Variants in BMP6 observed in about 807,000 individuals in gnomAD.
BMP6 encodes the protein VG-1-R.
A neutral mutation model predicts 54.1 loss-of-function variants in BMP6; 17 were observed. The observed-to-expected ratio is 0.31, with a 90% CI of 0.22 to 0.47. The LOEUF (loss-of-function observed/expected upper bound fraction) is 0.47. Among genes scored for constraint, BMP6 ranks in the 20% least tolerant of loss-of-function variants. The pLI, the probability that BMP6 is intolerant of heterozygous loss-of-function variation, is 1.00. For synonymous variants in BMP6, 328 were observed against 291.2 expected (o/e 1.13, Z -1.28); for missense variants, 720 against 690.4 (o/e 1.04, Z -0.48).
chr6:7,880,121 G>GT lies in BMP6; in HGVS notation c.1392+24dup. On this transcript the variant is annotated intron_variant, in intron 6 of 6. Coordinates refer to ENST00000283147, the MANE Select transcript of BMP6 (RefSeq NM_001718.6). ...ACCTTGGTGAGCTCTCGGAGACTTT[G>GT]TTTTGTAAGTGGGAGTAAGCCAAGA... is the stretch of plus-strand genomic sequence containing the variant. The GT allele has an allele frequency of 6.2e-7, 1 of 1,614,082 alleles. No homozygotes were observed. The highest frequency in any genetic ancestry group is 8.5e-7 in the Non-Finnish European group (1 of 1,179,954).
At chr6:7,833,144 C>T (rs1335666074) in intron 1 of BMP6, among the ~76,000 whole-genome samples, 1 of 152,078 alleles carries the variant, frequency 6.6e-6, no homozygotes, top group Non-Finnish European at 1.5e-5. Context: ...TGAGACACTT[C>T]TAGAATGATG....
chr6:7,794,993 GGGAAC>G (rs1758171969), intron 1 of BMP6, among the ~76,000 whole-genome samples: 1 of 152,080 alleles, frequency 6.6e-6, no homozygotes, highest in Admixed American at 6.6e-5. Flanking sequence ...TACTATCCAT[GGGAAC>G]ACAGGAGTCC....
At chr6:7,795,898 G>A (rs1758183882) in intron 1 of BMP6, among the ~76,000 whole-genome samples, 1 of 152,082 alleles carries the variant, frequency 6.6e-6, no homozygotes, top group African/African-American at 2.4e-5. Context: ...AGAGAGTGAG[G>A]AGCAAAAGTA....
At chr6:7,823,598 C>G (rs955260649) in intron 1 of BMP6, among the ~76,000 whole-genome samples, 2 of 152,168 alleles carry the variant, frequency 1.3e-5, no homozygotes, top group African/African-American at 4.8e-5. Flanking sequence ...TATGACCAGA[C>G]ACGCTGTGTT....
intron 2 of BMP6, among the ~76,000 whole-genome samples, chr6:7,859,085 G>C (rs142623513): frequency 6.6e-6 from 1 of 152,158 alleles, no homozygotes; most frequent in East Asian, 1.9e-4. Flanking sequence ...TTCATGTCAT[G>C]ATGGGTAATC....
intron 1 of BMP6, among the ~76,000 whole-genome samples, chr6:7,832,086 G>T (rs1758801953): frequency 6.6e-6 from 1 of 152,174 alleles, no homozygotes; most frequent in African/African-American, 2.4e-5. Flanking sequence ...GGGGTTTGAT[G>T]CTGAAGATCT....
At chr6:7,774,550 TCAAAA>T (rs908274951) in intron 1 of BMP6, among the ~76,000 whole-genome samples, 27 of 150,678 alleles carry the variant, frequency 1.8e-4, no homozygotes, top group African/African-American at 5.1e-4. Context: ...AGACTCTGTC[TCAAAA>T]CAAAACAAAA....
At chr6:7,796,779 G>A (rs1185699413) in intron 1 of BMP6, among the ~76,000 whole-genome samples, 2 of 152,150 alleles carry the variant, frequency 1.3e-5, no homozygotes, top group African/African-American at 4.8e-5. Context: ...AAATTAAAGT[G>A]ACTTTTTTTA....
rs994728381 is a variant in BMP6 at position 7,777,177 on chromosome 6, G to A, written c.664+49558G>A. Among the ~76,000 whole-genome samples, 6 of 152,302 alleles carry A rather than the reference G, an allele frequency of 3.9e-5. No homozygotes were observed. In the South Asian group the frequency reaches 1.2e-3, roughly 32 times the overall value. The stretch of plus-strand genomic sequence containing the variant: ...AGAAGGTCATCCTTGGAACTGGCAG[G>A]TGCCTTCTGGATCTGTGCATGTGGT... On this transcript the variant is annotated intron_variant, in intron 1 of 6. Transcript: ENST00000283147.
At chr6:7,749,285 C>T (rs778167218) in intron 1 of BMP6, among the ~76,000 whole-genome samples, 10 of 152,172 alleles carry the variant, frequency 6.6e-5, no homozygotes, top group Non-Finnish European at 1.2e-4. Context: ...TATTGAGACT[C>T]TTATAAATGA....
chr6:7,759,196 A>G (rs270403), intron 1 of BMP6, among the ~76,000 whole-genome samples: 94,352 of 152,068 alleles, frequency 0.62, 30,267 homozygotes, highest in Non-Finnish European at 0.72. Context: ...TCATTACCAT[A>G]TATGTATGTA....
chr6:7,856,636 G>T (rs551521086), intron 2 of BMP6, among the ~76,000 whole-genome samples: 2 of 97,088 alleles, frequency 2.1e-5, no homozygotes, highest in Non-Finnish European at 3.8e-5. Flanking sequence ...TCGCTCTGTC[G>T]CCCAGGCTGG....
chr6:7,869,845 G>A (rs934904624), intron 4 of BMP6, among the ~76,000 whole-genome samples: 2 of 152,148 alleles, frequency 1.3e-5, no homozygotes, highest in East Asian at 1.9e-4. Flanking sequence ...TGTGTGGAAC[G>A]TGCACCTGCA....
rs1345918011 is a variant in BMP6 at position 7,813,124 on chromosome 6, T to A, written c.665-32016T>A. ...AAAAAAAAAAATATATATATATATA[T>A]ATATATATATATATATATATATATA... On this transcript the variant is annotated intron_variant, in intron 1 of 6. Coordinates refer to ENST00000283147, the MANE Select transcript of BMP6 (RefSeq NM_001718.6). 4.5e-3 allele frequency among the ~76,000 whole-genome samples: 291 copies of A among 64,990 alleles called. 1 individual carries two copies. Among genetic ancestry groups the A allele is most frequent in the East Asian group, 0.014 (20 of 1,400 alleles). The allele number at this position is 64,990 out of a possible 152,430, so 42.6% of individuals were successfully genotyped here. A position where few individuals can be genotyped will look rare whatever the true frequency, so the allele number is the denominator to read the frequency against.
Position 7,813,668 on chromosome 6 carries a change from AACCCAC to A in BMP6, c.665-31471_665-31466del, listed in dbSNP as rs1561780319. 7.3e-5 allele frequency among the ~76,000 whole-genome samples: 4 copies of A among 54,950 alleles called. 2 individuals carry two copies. Among genetic ancestry groups the A allele is most frequent in the Non-Finnish European group, 1.5e-4 (4 of 26,600 alleles). 36.0% of individuals were successfully genotyped at this position (54,950 alleles called of 152,430 possible). A position where few individuals can be genotyped will look rare whatever the true frequency, so the allele number is the denominator to read the frequency against. On this transcript the variant is annotated intron_variant, in intron 1 of 6. Transcript: ENST00000283147. Reference sequence around the variant, plus strand: ...AAAAAAAAAAAAAAAAAAAAAAAAAAACCCACCAAACCCAGTATAGAAAATATATAT... The same window carrying A: ...AAAAAAAAAAAAAAAAAAAAAAAAAACAAACCCAGTATAGAAAATATATAT...
At chr6:7,764,790 A>G (rs1342009838) in intron 1 of BMP6, among the ~76,000 whole-genome samples, 3 of 151,934 alleles carry the variant, frequency 2.0e-5, no homozygotes, top group Non-Finnish European at 4.4e-5. Context: ...TGCCCTTCAC[A>G]TTTTTATTAC....
intron 1 of BMP6, among the ~76,000 whole-genome samples, chr6:7,774,308 G>A (rs6914626): frequency 0.091 from 13,818 of 152,168 alleles, 1,999 homozygotes; most frequent in African/African-American, 0.31. Context: ...CCAACACTCT[G>A]GGAGGCTGAG....
chr6:7,810,442 C>T (rs1758419604), intron 1 of BMP6, among the ~76,000 whole-genome samples: 3 of 152,186 alleles, frequency 2.0e-5, no homozygotes, highest in Non-Finnish European at 2.9e-5. Context: ...GAGCCAATCC[C>T]GGCAGCCATG....
chr6:7,874,023 C>A (rs945356668), intron 4 of BMP6, among the ~76,000 whole-genome samples: 1 of 152,120 alleles, frequency 6.6e-6, no homozygotes, highest in African/African-American at 2.4e-5. Flanking sequence ...AGTTTATCAT[C>A]TAATCTAACC....
Sources: gnomAD v4.1 joint callset for allele counts (sites outside exome capture counted in the v4.1 genomes callset) on GRCh38, gnomAD v4.1.1 for gene constraint, MANE v1.5 for transcripts, NCBI Gene and HGNC (gene_info 2026-07-23, HGNC 2026-07-21) for gene names.